TMPRSS5: variants seen among roughly 807,000 people sequenced by gnomAD.
TMPRSS5 encodes transmembrane serine protease 5.
In TMPRSS5, 45 loss-of-function variants were observed where a neutral mutation model predicts 59.7. That is an observed-to-expected ratio of 0.75 (90% CI 0.59 to 0.97). The LOEUF is 0.97. TMPRSS5 is among the 50% of genes least tolerant of loss of function. The pLI, the probability that TMPRSS5 is intolerant of heterozygous loss-of-function variation, is 0.00. For missense variants in TMPRSS5, 585 were observed against 596.7 expected (o/e 0.98, Z 0.20); for synonymous variants, 225 against 232.0 (o/e 0.97, Z 0.27).
At position 113,699,700 on chromosome 11, in the gene TMPRSS5, G is replaced by T. The variant is rs1174080303; in HGVS notation, c.107-7C>A. On this transcript the variant is annotated splice_region_variant and splice_polypyrimidine_tract_variant and intron_variant, in intron 2 of 12. Coordinates refer to ENST00000299882, the MANE Select transcript of TMPRSS5 (RefSeq NM_030770.4). ...CAGCACACTGCCTGAGAAACTGTGG[G>T]AAAGGGCAGAGGGGTATCTGGGTCC... The T allele has an allele frequency of 6.4e-7, 1 of 1,561,806 alleles. No homozygotes were observed. The highest frequency in any genetic ancestry group is 1.4e-5 in the African/African-American group (1 of 73,426).
intron 2 of TMPRSS5, 186 bp from the exon 3 acceptor site, chr11:113,699,879 G>C: frequency 6.8e-7 from 1 of 1,477,764 alleles, no homozygotes; most frequent in Non-Finnish European, 9.1e-7. Context: ...GATCACTGAA[G>C]CCCACAAATC....
chr11:113,690,019 C>T (rs1245042563), intron 11 of TMPRSS5, 102 bp from the exon 12 acceptor site: 42 of 1,333,908 alleles, frequency 3.1e-5, no homozygotes, highest in South Asian at 1.2e-4. Context: ...TACTGGGCCC[C>T]GCCTGCTTCT....
At chr11:113,695,863 T>C (rs1288265835) in intron 6 of TMPRSS5, among the ~76,000 whole-genome samples, 1 of 152,228 alleles carries the variant, frequency 6.6e-6, no homozygotes, top group Non-Finnish European at 1.5e-5. Context: ...AGGTTTGCTG[T>C]ATTCTCCACC....
intron 4 of TMPRSS5, 72 bp downstream of exon 4, chr11:113,698,833 G>C: frequency 6.5e-7 from 1 of 1,530,600 alleles, no homozygotes; most frequent in Non-Finnish European, 8.9e-7. Flanking sequence ...CTTCAGTGTC[G>C]GTTCTCTTGC....
At chr11:113,702,827 G>A (rs1953180696) in intron 1 of TMPRSS5, among the ~76,000 whole-genome samples, 1 of 152,234 alleles carries the variant, frequency 6.6e-6, no homozygotes, top group Non-Finnish European at 1.5e-5. Context: ...TCCTTGTGGT[G>A]TTGAGCCTGC....
At chr11:113,691,883 C>T (rs7940560) in intron 9 of TMPRSS5, among the ~76,000 whole-genome samples, 77,008 of 117,400 alleles carry the variant, frequency 0.66, 25,210 homozygotes, top group African/African-American at 0.79. Flanking sequence ...TTTTCTTTTC[C>T]TTTTTTTTCT....
At chr11:113,695,310 G>T in intron 7 of TMPRSS5, 90 bp downstream of exon 7, 1 of 1,429,798 alleles carries the variant, frequency 7.0e-7, no homozygotes, top group African/African-American at 1.4e-5. Flanking sequence ...AGGCCCAGCA[G>T]AGTCTCACCA....
Position 113,690,823 on chromosome 11 carries a change from C to T in TMPRSS5, c.1063+18G>A. 1 of 1,563,016 alleles carries T rather than the reference C, an allele frequency of 6.4e-7. No homozygotes were observed. Among genetic ancestry groups the T allele is most frequent in the Non-Finnish European group, 8.7e-7 (1 of 1,151,728 alleles). Reference sequence around the variant, plus strand: ...CCCACACCCGCCCCTGCACCGAGGGCCCAGGGAGCTGACTCACTATGGCTA... The same window carrying T: ...CCCACACCCGCCCCTGCACCGAGGGTCCAGGGAGCTGACTCACTATGGCTA... On this transcript the variant is annotated intron_variant, in intron 10 of 12. Coordinates refer to ENST00000299882, the MANE Select transcript of TMPRSS5 (RefSeq NM_030770.4).
intron 2 of TMPRSS5, 125 bp from the exon 3 acceptor site, chr11:113,699,818 A>G (rs1953074740): frequency 7.2e-7 from 1 of 1,381,070 alleles, no homozygotes; most frequent in Admixed American, 2.0e-5. Flanking sequence ...CTCCTGCCCC[A>G]TCAGCCCAGA....
chr11:113,690,042 T>C (rs1021487188), intron 11 of TMPRSS5, 125 bp from the exon 12 acceptor site: 3 of 1,261,206 alleles, frequency 2.4e-6, no homozygotes, highest in Admixed American at 2.8e-5. Flanking sequence ...CTGAGATATC[T>C]GCTGGCCTCA....
At chr11:113,690,175 T>TCCCCCCC in intron 11 of TMPRSS5, 56 bp downstream of exon 11, 2 of 159,590 alleles carry the variant, frequency 1.3e-5, no homozygotes, top group Non-Finnish European at 2.1e-5. Context: ...GCAGGCCCCC[T>TCCCCCCC]GCCCTCCCAC....
At chr11:113,700,490 G>A (rs1286581812) in intron 1 of TMPRSS5, among the ~76,000 whole-genome samples, 2 of 152,100 alleles carry the variant, frequency 1.3e-5, no homozygotes, top group African/African-American at 4.8e-5. Context: ...ATCTACTAAA[G>A]TCCCTCAACA....
intron 3 of TMPRSS5, 138 bp from the exon 4 acceptor site, chr11:113,699,165 G>T: frequency 2.4e-6 from 2 of 824,776 alleles, no homozygotes; most frequent in Non-Finnish European, 1.8e-6. Context: ...CATCTCTCTC[G>T]GCCTCAGCCT....
rs1952650021 is a variant in TMPRSS5 at position 113,687,899 on chromosome 11, G to A, written c.*361C>T. 4.5e-6 allele frequency: 1 copy of A among 223,090 alleles called. No homozygotes were observed. Among genetic ancestry groups the A allele is most frequent in the Non-Finnish European group, 8.4e-6 (1 of 119,256 alleles). 13.8% of individuals were successfully genotyped at this position (223,090 alleles called of 1,614,324 possible). ...CTCCCAAAAGACTCACACAGGGGCA[G>A]GGAGGGGAGAGGGCAGAAGGGCAGG... On this transcript the variant is annotated 3_prime_UTR_variant, in exon 13 of 13. Transcript: ENST00000299882.
Position 113,689,930 on chromosome 11 carries a change from G to A in TMPRSS5, c.1207-13C>T, listed in dbSNP as rs1952717799. ...CCCCGCTATCTCCCTAAGGGATCCA[G>A]GCATGGAGACACAGAGAAACAGCCA... On this transcript the variant is annotated splice_polypyrimidine_tract_variant and intron_variant, in intron 11 of 12. Coordinates refer to ENST00000299882, the MANE Select transcript of TMPRSS5 (RefSeq NM_030770.4). 8.5e-6 allele frequency: 13 copies of A among 1,532,800 alleles called. No homozygotes were observed. The highest frequency in any genetic ancestry group is 1.4e-5 in the African/African-American group (1 of 72,664). The allele number at this position is 1,532,800 out of a possible 1,614,324, so 94.9% of individuals were successfully genotyped here.
At chr11:113,705,943 C>G (rs1451459012) in intron 1 of TMPRSS5, among the ~76,000 whole-genome samples, 3 of 152,188 alleles carry the variant, frequency 2.0e-5, no homozygotes, top group African/African-American at 4.8e-5. Flanking sequence ...CCTTGCTCCT[C>G]TTTTTGAGTG....
At position 113,699,618 on chromosome 11, in the gene TMPRSS5, G is replaced by A. The variant is rs775743325; in HGVS notation, c.182C>T (p.Ala61Val). ...ACCTAGGAGCCATGAGCCAACACCT[G>A]CACCGGCCAGCAGCCCCAGGGCTCC... The part of the protein sequence containing the change: ...VLGALGLLAG[A>V]GVGSWLLVLY... Residue 61 changes from alanine to valine, a missense_variant, in exon 3 of 13, where the codon GCA becomes GTA. By Grantham distance (64) the Ala-to-Val change is moderately conservative. Transcript: ENST00000299882. The A allele has an allele frequency of 3.8e-6, 6 of 1,580,072 alleles. No homozygotes were observed. The East Asian group carries it at 1.2e-4, about 31-fold the overall frequency.
At chr11:113,693,504 C>T in intron 8 of TMPRSS5, 1 of 348,970 alleles carries the variant, frequency 2.9e-6, no homozygotes, top group Non-Finnish European at 5.2e-6. Flanking sequence ...CTGCAACCAC[C>T]ACTCCCTCTT....
At chr11:113,693,321 G>A in intron 8 of TMPRSS5, 72 bp from the exon 9 acceptor site, 1 of 1,429,928 alleles carries the variant, frequency 7.0e-7, no homozygotes, top group Non-Finnish European at 9.2e-7. Flanking sequence ...GTAGCAGGTG[G>A]AGGAAGCTGG....
Sources: gnomAD v4.1 joint callset for allele counts (sites outside exome capture counted in the v4.1 genomes callset) on GRCh38, gnomAD v4.1.1 for gene constraint, MANE v1.5 for transcripts, NCBI Gene and HGNC (gene_info 2026-07-23, HGNC 2026-07-21) for gene names.